Variants in RNF152 observed in about 807,000 individuals in gnomAD.
RNF152 encodes ring finger protein 152.
In RNF152, 11 loss-of-function variants were observed where a neutral mutation model predicts 12.7. The ratio of observed to expected loss-of-function variants is 0.86; its 90% CI spans 0.54 to 1.43. RNF152 has a LOEUF of 1.43. Ranked by LOEUF, RNF152 falls within the 40% of genes most tolerant of loss-of-function variation. RNF152 has a pLI of 0.00. For synonymous variants in RNF152, 113 were observed against 120.3 expected (o/e 0.94, Z 0.40); for missense variants, 255 against 274.8 (o/e 0.93, Z 0.51).
At chr18:61,819,456 G>T (rs549952828) in intron 1 of RNF152, among the ~76,000 whole-genome samples, 1 of 152,326 alleles carries the variant, frequency 6.6e-6, no homozygotes, top group East Asian at 1.9e-4. Flanking sequence ...TATTACATTA[G>T]GCAAGAGTTA....
At chr18:61,877,401 A>G (rs1264857612) in intron 1 of RNF152, among the ~76,000 whole-genome samples, 1 of 152,214 alleles carries the variant, frequency 6.6e-6, no homozygotes, top group East Asian at 1.9e-4. Context: ...ACAGTGATTT[A>G]TTTATTAATG....
intron 1 of RNF152, among the ~76,000 whole-genome samples, chr18:61,859,638 G>A (rs1021648427): frequency 2.0e-5 from 3 of 152,182 alleles, no homozygotes; most frequent in African/African-American, 7.2e-5. Context: ...TAGCAGTTTG[G>A]GAGGCCGAGG....
intron 1 of RNF152, among the ~76,000 whole-genome samples, chr18:61,878,650 A>G (rs1036375372): frequency 1.3e-5 from 2 of 152,238 alleles, no homozygotes; most frequent in African/African-American, 4.8e-5. Flanking sequence ...GAGAAATCCA[A>G]GACCACGGCA....
intron 1 of RNF152, among the ~76,000 whole-genome samples, chr18:61,837,062 A>G (rs1910221323): frequency 6.6e-6 from 1 of 152,186 alleles, no homozygotes; most frequent in African/African-American, 2.4e-5. Context: ...AGCTGACATC[A>G]TGCTTCCCAA....
intron 1 of RNF152, among the ~76,000 whole-genome samples, chr18:61,860,566 G>A (rs779445900): frequency 2.6e-5 from 4 of 152,200 alleles, no homozygotes; most frequent in Non-Finnish European, 5.9e-5. Context: ...TAAGAGTCTA[G>A]CACACACAAT....
At chr18:61,868,861 G>A (rs1391442144) in intron 1 of RNF152, among the ~76,000 whole-genome samples, 1 of 152,160 alleles carries the variant, frequency 6.6e-6, no homozygotes, top group Non-Finnish European at 1.5e-5. Context: ...TCAGGAGCAG[G>A]CATTACAAAG....
chr18:61,892,113 G>A (rs1912987076), intron 1 of RNF152, among the ~76,000 whole-genome samples: 1 of 152,168 alleles, frequency 6.6e-6, no homozygotes, highest in Non-Finnish European at 1.5e-5. Flanking sequence ...GAAAAGAACA[G>A]GCCAGAGTTT....
chr18:61,855,101 T>C (rs1911160152), intron 1 of RNF152, among the ~76,000 whole-genome samples: 1 of 152,246 alleles, frequency 6.6e-6, no homozygotes, highest in Non-Finnish European at 1.5e-5. Flanking sequence ...GCTCTGAAGC[T>C]ATTATCTTAC....
intron 1 of RNF152, among the ~76,000 whole-genome samples, chr18:61,865,899 A>G (rs1360393007): frequency 6.6e-6 from 1 of 152,198 alleles, no homozygotes; most frequent in Non-Finnish European, 1.5e-5. Flanking sequence ...CTGAGTGTCA[A>G]TTACATATCT....
intron 1 of RNF152, among the ~76,000 whole-genome samples, chr18:61,891,257 T>TA (rs1912948145): frequency 6.6e-6 from 1 of 152,104 alleles, no homozygotes; most frequent in Admixed American, 6.6e-5. Flanking sequence ...CCTTCTTATA[T>TA]AAAAAAAATT....
chr18:61,891,989 T>C (rs1035427779), intron 1 of RNF152, among the ~76,000 whole-genome samples: 1 of 152,204 alleles, frequency 6.6e-6, no homozygotes, highest in African/African-American at 2.4e-5. Flanking sequence ...TAGCAGAAAA[T>C]GCTAATGCCG....
chr18:61,847,383 G>A (rs959257129), intron 1 of RNF152, among the ~76,000 whole-genome samples: 1 of 152,204 alleles, frequency 6.6e-6, no homozygotes. Context: ...GCTCTAAAAA[G>A]AGGTTTGGTA....
At chr18:61,882,475 G>C (rs577661400) in intron 1 of RNF152, among the ~76,000 whole-genome samples, 1 of 152,354 alleles carries the variant, frequency 6.6e-6, no homozygotes, top group South Asian at 2.1e-4. Flanking sequence ...GCAAGTGTCT[G>C]GCAATTGCCT....
intron 1 of RNF152, among the ~76,000 whole-genome samples, chr18:61,854,329 A>T (rs1201168586): frequency 6.6e-6 from 1 of 152,230 alleles, no homozygotes; most frequent in African/African-American, 2.4e-5. Flanking sequence ...GAGACTGGTC[A>T]TGTAAGAAAG....
At chr18:61,862,882 A>T (rs1249449146) in intron 1 of RNF152, among the ~76,000 whole-genome samples, 1 of 152,112 alleles carries the variant, frequency 6.6e-6, no homozygotes, top group Non-Finnish European at 1.5e-5. Context: ...TTGGGGACTG[A>T]GCCCTCAATC....
At chr18:61,834,122 C>T (rs193001679) in intron 1 of RNF152, among the ~76,000 whole-genome samples, 1 of 152,318 alleles carries the variant, frequency 6.6e-6, no homozygotes, top group East Asian at 1.9e-4. Context: ...TACGTCCTGG[C>T]TTGAATCCCA....
chr18:61,853,814 T>C (rs118181257), intron 1 of RNF152, among the ~76,000 whole-genome samples: 7,417 of 152,276 alleles, frequency 0.049, 254 homozygotes, highest in South Asian at 0.085. Flanking sequence ...TGAAGTCCCT[T>C]TTGCCATGTA....
At chr18:61,823,123 C>T (rs568423982) in intron 1 of RNF152, among the ~76,000 whole-genome samples, 12 of 152,314 alleles carry the variant, frequency 7.9e-5, no homozygotes, top group East Asian at 7.7e-4. Context: ...TGCATACATG[C>T]GTAGTCCAAT....
At chr18:61,833,561 C>A (rs947633004) in intron 1 of RNF152, among the ~76,000 whole-genome samples, 4 of 152,192 alleles carry the variant, frequency 2.6e-5, no homozygotes. Flanking sequence ...CACAGACACA[C>A]ACAAACATGA....
Sources: allele counts gnomAD v4.1 joint callset (sites outside exome capture counted in the v4.1 genomes callset), GRCh38; gene constraint gnomAD v4.1.1; transcripts MANE v1.5; gene names NCBI Gene and HGNC (gene_info 2026-07-23, HGNC 2026-07-21).